Variants in GALNTL6 observed in about 807,000 individuals in gnomAD.
The protein encoded by GALNTL6 is polypeptide N-acetylgalactosaminyltransferase like 6.
GALNTL6 carries 46 observed loss-of-function variants against 73.7 expected under a neutral mutation model. The observed-to-expected ratio is 0.62, with a 90% CI of 0.49 to 0.80. The LOEUF is 0.80. Among genes scored for constraint, GALNTL6 ranks in the 30% least tolerant of loss-of-function variants. GALNTL6 has a pLI of 0.00. For synonymous variants in GALNTL6, 259 were observed against 263.7 expected (o/e 0.98, Z 0.17); for missense variants, 604 against 755.0 (o/e 0.80, Z 2.34).
rs371252101 is a variant in GALNTL6 at position 172,180,002 on chromosome 4, A to G, written c.139-49654A>G. ...GGTCAAATGGTATTTCTAGTTCTAG[A>G]TCCTTGAGGAATCGCCACACTGTCT... On this transcript the variant is annotated intron_variant, in intron 2 of 12. Coordinates refer to ENST00000506823, the MANE Select transcript of GALNTL6 (RefSeq NM_001034845.3). Among the ~76,000 whole-genome samples the G allele has an allele frequency of 9.8e-4, 150 of 152,294 alleles. 3 individuals are homozygous for G. In the South Asian group the frequency reaches 0.03, roughly 31 times the overall value.
chr4:172,574,939 TACACACAC>T lies in GALNTL6; in HGVS notation c.553+226269_553+226276del, dbSNP rs33997885. On this transcript the variant is annotated intron_variant, in intron 5 of 12. Transcript: ENST00000506823. ...ATGCATGTGTATACACACGCACACATACACACACACACACACACACACACACGATTAGA... is the reference window on the plus strand; with the variant it reads ...ATGCATGTGTATACACACGCACACATACACACACACACACACACGATTAGA... Among the ~76,000 whole-genome samples the T allele has an allele frequency of 1.0e-4, 15 of 150,248 alleles. No individual in the cohort carries two copies. In the East Asian group the frequency reaches 1.2e-3, roughly 12 times the overall value.
chr4:172,300,093 C>T (rs931167307), intron 3 of GALNTL6, among the ~76,000 whole-genome samples: 1 of 152,156 alleles, frequency 6.6e-6, no homozygotes, highest in Non-Finnish European at 1.5e-5. Flanking sequence ...GTTAGCTCTT[C>T]TTGTTGAATT....
At chr4:172,482,229 G>A (rs1157937264) in intron 5 of GALNTL6, among the ~76,000 whole-genome samples, 1 of 152,202 alleles carries the variant, frequency 6.6e-6, no homozygotes, top group Non-Finnish European at 1.5e-5. Context: ...GCTTCATGCA[G>A]CCCTGATTCC....
chr4:172,907,003 A>G (rs1001860865), intron 8 of GALNTL6, among the ~76,000 whole-genome samples: 3 of 152,218 alleles, frequency 2.0e-5, no homozygotes, highest in Non-Finnish European at 2.9e-5. Context: ...AGTCCTTTCT[A>G]TACTCAAAGG....
intron 5 of GALNTL6, among the ~76,000 whole-genome samples, chr4:172,546,799 TATATATAC>T (rs1735778272): frequency 2.0e-4 from 1 of 5,046 alleles, no homozygotes; most frequent in Non-Finnish European, 6.4e-4. Context: ...TATATATACG[TATATATAC>T]GTATATATAT....
intron 5 of GALNTL6, among the ~76,000 whole-genome samples, chr4:172,369,983 C>T (rs971586455): frequency 2.1e-4 from 32 of 152,290 alleles, no homozygotes; most frequent in Admixed American, 5.9e-4. Flanking sequence ...GCCAAGGAGG[C>T]GCCGAGAGCG....
intron 5 of GALNTL6, among the ~76,000 whole-genome samples, chr4:172,767,313 C>T (rs1738459205): frequency 6.6e-6 from 1 of 152,152 alleles, no homozygotes; most frequent in African/African-American, 2.4e-5. Context: ...GATGTTTTCA[C>T]AGAACAGCTC....
rs184910597 is a variant in GALNTL6, at chr4:172,548,000, T to C, written c.553+199311T>C. ...GCTTGTCCGATTGCCATGGAAACTATGACTTTGTATGTCTGCTCTGGAGAC... is the reference window on the plus strand; with the variant it reads ...GCTTGTCCGATTGCCATGGAAACTACGACTTTGTATGTCTGCTCTGGAGAC... On this transcript the variant is annotated intron_variant, in intron 5 of 12. Transcript: ENST00000506823. 3.1e-4 allele frequency among the ~76,000 whole-genome samples: 47 copies of C among 152,316 alleles called. No individual in the cohort carries two copies. The East Asian group carries it at 7.1e-3, about 23-fold the overall frequency.
intron 2 of GALNTL6, among the ~76,000 whole-genome samples, chr4:171,898,223 C>T (rs1736983297): frequency 2.0e-5 from 3 of 151,960 alleles, no homozygotes; most frequent in Admixed American, 2.0e-4. Flanking sequence ...ATACCAAGTG[C>T]TGGAGAAGGT....
intron 2 of GALNTL6, among the ~76,000 whole-genome samples, chr4:172,155,100 C>G (rs987983173): frequency 2.0e-5 from 3 of 150,722 alleles, no homozygotes; most frequent in African/African-American, 7.3e-5. Context: ...TAGGTTCAAG[C>G]GATTCTGCTG....
intron 9 of GALNTL6, among the ~76,000 whole-genome samples, chr4:172,948,778 G>A (rs1749299141): frequency 6.6e-6 from 1 of 152,046 alleles, no homozygotes; most frequent in Non-Finnish European, 1.5e-5. Flanking sequence ...CCATTTTGGA[G>A]TGTTTGAGAA....
chr4:171,974,780 T>C (rs574422622), intron 2 of GALNTL6, among the ~76,000 whole-genome samples: 10 of 152,282 alleles, frequency 6.6e-5, no homozygotes, highest in Non-Finnish European at 8.8e-5. Context: ...AATTTTGCAA[T>C]AGCCTAATGA....
intron 2 of GALNTL6, among the ~76,000 whole-genome samples, chr4:172,083,843 A>G (rs2034057895): frequency 1.3e-5 from 2 of 152,182 alleles, no homozygotes; most frequent in Non-Finnish European, 2.9e-5. Flanking sequence ...TAATGACCAT[A>G]ACAATGCCTC....
intron 5 of GALNTL6, among the ~76,000 whole-genome samples, chr4:172,502,520 A>G (rs1734296668): frequency 6.6e-6 from 1 of 152,282 alleles, no homozygotes; most frequent in South Asian, 2.1e-4. Flanking sequence ...GGATGATGAA[A>G]CAGATTGGAA....
chr4:172,734,328 A>G (rs531675624), intron 5 of GALNTL6, among the ~76,000 whole-genome samples: 1 of 152,328 alleles, frequency 6.6e-6, no homozygotes, highest in East Asian at 1.9e-4. Context: ...ATAAGTAACA[A>G]GGTTCAAAAT....
At chr4:172,937,417 G>A (rs1748677928) in intron 9 of GALNTL6, among the ~76,000 whole-genome samples, 1 of 152,118 alleles carries the variant, frequency 6.6e-6, no homozygotes, top group South Asian at 2.1e-4. Flanking sequence ...AACAGGGAAG[G>A]GAGGAAGAGG....
At chr4:172,363,164 G>A (rs1277503526) in intron 5 of GALNTL6, among the ~76,000 whole-genome samples, 1 of 152,056 alleles carries the variant, frequency 6.6e-6, no homozygotes, top group Non-Finnish European at 1.5e-5. Flanking sequence ...AAACCAAGAT[G>A]CCAAATTTTG....
intron 10 of GALNTL6, among the ~76,000 whole-genome samples, chr4:172,989,785 A>G (rs113670732): frequency 2.0e-5 from 3 of 152,232 alleles, no homozygotes; most frequent in Non-Finnish European, 2.9e-5. Flanking sequence ...CAATGAGCCA[A>G]TTAAACCTCT....
chr4:171,908,859 T>C (rs1169388123), intron 2 of GALNTL6, among the ~76,000 whole-genome samples: 4 of 150,848 alleles, frequency 2.7e-5, no homozygotes, highest in Non-Finnish European at 5.9e-5. Flanking sequence ...ATGGATGAAA[T>C]TGGAAATCAT....
Sources: allele counts gnomAD v4.1 joint callset (sites outside exome capture counted in the v4.1 genomes callset), GRCh38; gene constraint gnomAD v4.1.1; transcripts MANE v1.5; gene names NCBI Gene and HGNC (gene_info 2026-07-23, HGNC 2026-07-21).